Variants in COMMD1 observed in about 807,000 individuals in gnomAD.
COMMD1 encodes the protein copper metabolism domain containing 1, also known as COMM domain-containing protein 1.
COMMD1 carries 10 observed loss-of-function variants against 17.2 expected under a neutral mutation model. The ratio of observed to expected loss-of-function variants is 0.58; its 90% CI spans 0.36 to 0.99. The LOEUF (loss-of-function observed/expected upper bound fraction) is 0.99. Ranked by LOEUF, COMMD1 falls within the 50% of genes least tolerant of loss-of-function variation. The probability of loss-of-function intolerance (pLI) is 0.01; values close to 1 mark genes in which losing one functional copy is unlikely to be tolerated. For missense variants in COMMD1, 270 were observed against 231.8 expected (o/e 1.17, Z -1.07); for synonymous variants, 97 against 91.6 (o/e 1.06, Z -0.34).
intron 2 of COMMD1, among the ~76,000 whole-genome samples, chr2:62,045,045 A>G (rs187381466): frequency 6.6e-6 from 1 of 152,134 alleles, no homozygotes; most frequent in African/African-American, 2.4e-5. Context: ...TTTAATTGAC[A>G]TGAGGCTGGC....
At chr2:62,097,733 G>A (rs1672050647) in intron 2 of COMMD1, among the ~76,000 whole-genome samples, 1 of 152,124 alleles carries the variant, frequency 6.6e-6, no homozygotes, top group African/African-American at 2.4e-5. Context: ...CCTACCATTT[G>A]GACTTTTTCT....
At chr2:61,974,894 A>G (rs1440128434) in intron 1 of COMMD1, among the ~76,000 whole-genome samples, 6 of 151,900 alleles carry the variant, frequency 3.9e-5, no homozygotes, top group African/African-American at 1.4e-4. Context: ...CATTGTTTAC[A>G]TTAGCGTTCA....
At position 61,889,978 on chromosome 2, in the gene COMMD1, C is replaced by A. The variant is rs545517329; in HGVS notation, n.119+1136C>A. ...AGAAGGAACTGAAGCCCAGGGTAAA[C>A]GAGTCAGTAGATAGAAGCAGTATTC... On this transcript the variant is annotated intron_variant and non_coding_transcript_variant, in intron 1 of 2. Transcript: ENST00000472729. Among the ~76,000 whole-genome samples the A allele has an allele frequency of 2.6e-5, 4 of 152,242 alleles. No homozygotes were observed. In the East Asian group the frequency reaches 7.7e-4, roughly 29 times the overall value.
intron 2 of COMMD1, among the ~76,000 whole-genome samples, chr2:62,021,463 A>G (rs1317268728): frequency 6.6e-6 from 1 of 152,192 alleles, no homozygotes; most frequent in African/African-American, 2.4e-5. Flanking sequence ...ATCTTTAATA[A>G]GCAAATGAAA....
rs141810238 is a variant in COMMD1 at position 62,076,050 on chromosome 2, C to G, written c.463-59781C>G. Among the ~76,000 whole-genome samples, 749 of 152,334 alleles carry G rather than the reference C, an allele frequency of 4.9e-3. 13 individuals carry two copies. The highest frequency in any genetic ancestry group is 0.017 in the Middle Eastern group (5 of 294). ...TGTTGCAATATTCCTTTCCCAGTGT[C>G]TTAGCCACCCTGGCTGCATTTGGGA... On this transcript the variant is annotated intron_variant, in intron 2 of 2. Coordinates refer to ENST00000311832, the MANE Select transcript of COMMD1 (RefSeq NM_152516.4).
intron 2 of COMMD1, among the ~76,000 whole-genome samples, chr2:62,027,057 G>T (rs1296621524): frequency 6.6e-6 from 1 of 151,996 alleles, no homozygotes; most frequent in Non-Finnish European, 1.5e-5. Flanking sequence ...GATAACCATT[G>T]TCTTAGTACT....
At chr2:62,031,194 A>G (rs1669900000) in intron 2 of COMMD1, among the ~76,000 whole-genome samples, 1 of 152,198 alleles carries the variant, frequency 6.6e-6, no homozygotes, top group South Asian at 2.1e-4. Context: ...ACTATTCCTT[A>G]AGTCCTCACA....
In COMMD1 at chr2:62,029,463, C is replaced by T. The variant is rs547808165; in HGVS notation, c.462+28481C>T. ...GCATAAATAAAATAATATAATGTAC[C>T]TATATTCCTATTACCCAGCTTCAAT... is the stretch of plus-strand genomic sequence containing the variant. On this transcript the variant is annotated intron_variant, in intron 2 of 2. Transcript: ENST00000311832. Among the ~76,000 whole-genome samples, 6 of 151,836 alleles carry T rather than the reference C, an allele frequency of 4.0e-5. No individual in the cohort carries two copies. The East Asian group carries it at 9.7e-4, about 24-fold the overall frequency.
At chr2:62,039,874 CAT>C (rs1256633178) in intron 2 of COMMD1, among the ~76,000 whole-genome samples, 11 of 152,136 alleles carry the variant, frequency 7.2e-5, no homozygotes, top group Admixed American at 3.9e-4. Context: ...GGCATAGTAA[CAT>C]GTAGTTTTAT....
intron 1 of COMMD1, among the ~76,000 whole-genome samples, chr2:61,984,915 G>A (rs1402087325): frequency 2.7e-5 from 4 of 150,342 alleles, no homozygotes; most frequent in African/African-American, 9.8e-5. Flanking sequence ...TTTTTTTTTG[G>A]TCTCTTTTGT....
At position 62,061,827 on chromosome 2, in the gene COMMD1, G is replaced by C. The variant is rs114508350; in HGVS notation, c.462+60845G>C. Among the ~76,000 whole-genome samples the C allele has an allele frequency of 7.9e-3, 1,204 of 151,702 alleles. 19 individuals carry two copies. The highest frequency in any genetic ancestry group is 0.028 in the African/African-American group (1,159 of 41,426). On this transcript the variant is annotated intron_variant, in intron 2 of 2. Transcript: ENST00000311832. The stretch of plus-strand genomic sequence containing the variant: ...CACCTGCTTTGGCCTCCCAAATGTT[G>C]TGTCTTTTTAAAGTATCTACAGTAA...
At chr2:62,057,461 AT>A (rs1332103395) in intron 2 of COMMD1, among the ~76,000 whole-genome samples, 1 of 152,142 alleles carries the variant, frequency 6.6e-6, no homozygotes, top group Non-Finnish European at 1.5e-5. Context: ...CTAATGTTCT[AT>A]TAAGATTGTG....
chr2:62,062,512 G>A (rs898862323), intron 2 of COMMD1, among the ~76,000 whole-genome samples: 10 of 151,996 alleles, frequency 6.6e-5, no homozygotes, highest in African/African-American at 9.7e-5. Context: ...ACAGGTGTGA[G>A]CCACCATGCC....
chr2:62,036,126 AT>A (rs1321026388), intron 2 of COMMD1, among the ~76,000 whole-genome samples: 1 of 151,708 alleles, frequency 6.6e-6, no homozygotes, highest in Non-Finnish European at 1.5e-5. Context: ...AGGTGTAGGG[AT>A]TTTTTTCTTC....
intron 2 of COMMD1, among the ~76,000 whole-genome samples, chr2:62,031,526 A>G (rs1033771747): frequency 6.6e-6 from 1 of 152,208 alleles, no homozygotes; most frequent in Non-Finnish European, 1.5e-5. Flanking sequence ...TTCACCAGTG[A>G]AAGTTGTTGG....
At chr2:61,916,097 C>CGA (rs1336455080) in intron 1 of COMMD1, among the ~76,000 whole-genome samples, 1 of 151,830 alleles carries the variant, frequency 6.6e-6, no homozygotes, top group East Asian at 1.9e-4. Flanking sequence ...GAACCTCGAT[C>CGA]TACAGGTGTG....
rs184903593 is a variant in COMMD1 at position 62,099,977 on chromosome 2, C to G, written c.463-35854C>G. 2.6e-3 allele frequency among the ~76,000 whole-genome samples: 394 copies of G among 152,166 alleles called. 2 individuals carry two copies. Among genetic ancestry groups the G allele is most frequent in the African/African-American group, 9.0e-3 (373 of 41,512 alleles). ...CTTATGAAAAATAATAGTTCAGTTC[C>G]TCACGCAAAGTGCACACAGACAAGC... On this transcript the variant is annotated intron_variant, in intron 2 of 2. Coordinates refer to ENST00000311832, the MANE Select transcript of COMMD1 (RefSeq NM_152516.4).
At chr2:62,120,123 C>A (rs539634856) in intron 2 of COMMD1, among the ~76,000 whole-genome samples, 16 of 152,222 alleles carry the variant, frequency 1.1e-4, no homozygotes, top group Non-Finnish European at 1.8e-4. Flanking sequence ...CACTCAGCCT[C>A]CTGAAGAGCT....
At chr2:62,113,374 A>G (rs940904012) in intron 2 of COMMD1, among the ~76,000 whole-genome samples, 12 of 152,050 alleles carry the variant, frequency 7.9e-5, no homozygotes, top group African/African-American at 2.9e-4. Context: ...ATATATGTAT[A>G]TGATTTTCTG....
Sources: gnomAD v4.1 joint callset for allele counts (sites outside exome capture counted in the v4.1 genomes callset) on GRCh38, gnomAD v4.1.1 for gene constraint, MANE v1.5 for transcripts, NCBI Gene and HGNC (gene_info 2026-07-23, HGNC 2026-07-21) for gene names.